The following PCNX1 variants were observed in gnomAD, a reference collection of about 807,000 sequenced individuals.
PCNX1 encodes the protein pecanex 1.
PCNX1 carries 78 observed loss-of-function variants against 242.2 expected under a neutral mutation model. That is an observed-to-expected ratio of 0.32 (90% CI 0.27 to 0.39). The LOEUF is 0.39. PCNX1 is among the 10% of genes least tolerant of loss of function. The probability of loss-of-function intolerance (pLI) is 1.00; values close to 1 mark genes in which losing one functional copy is unlikely to be tolerated. For synonymous variants in PCNX1, 1,024 were observed against 1,032.9 expected (o/e 0.99, Z 0.17); for missense variants, 2,581 against 2,856.5 (o/e 0.90, Z 2.20).
intron 2 of PCNX1, among the ~76,000 whole-genome samples, chr14:70,949,235 G>A (rs2526853): frequency 0.69 from 101,445 of 147,180 alleles, 34,975 homozygotes; most frequent in South Asian, 0.77. Context: ...ATATGTATGT[G>A]TATATACACA....
At position 70,995,872 on chromosome 14, in the gene PCNX1, C is replaced by T; in HGVS notation, c.2576C>T (p.Ala859Val). 1 of 1,614,036 alleles carries T rather than the reference C, an allele frequency of 6.2e-7. No homozygotes were observed. The highest frequency in any genetic ancestry group is 8.5e-7 in the Non-Finnish European group (1 of 1,179,888). Reference protein sequence around the residue: ...LVRNGSVHLEASHDNASAVGG... With the variant: ...LVRNGSVHLEVSHDNASAVGG... ...AGAAATGGGAGTGTCCACTTAGAAG[C>T]ATCACATGACAATGCATCTGCTGTA... Residue 859 changes from alanine to valine, a missense_variant, in exon 8 of 36, where the codon GCA (alanine) becomes GTA (valine). Coordinates refer to ENST00000304743, the MANE Select transcript of PCNX1 (RefSeq NM_014982.3).
chr14:71,031,538 C>A, intron 16 of PCNX1: 2 of 430,450 alleles, frequency 4.6e-6, no homozygotes, highest in Admixed American at 3.4e-5. Context: ...GGACAGCACA[C>A]AAGAATGCCC....
intron 22 of PCNX1, 84 bp from the exon 23 acceptor site, chr14:71,050,568 C>T (rs1235085397): frequency 3.9e-6 from 5 of 1,278,260 alleles, no homozygotes; most frequent in Non-Finnish European, 5.3e-6. Context: ...TCTCCTAATA[C>T]ATTTTACAGG....
Position 71,103,566 on chromosome 14 carries a change from C to G in PCNX1, c.5992C>G (p.Leu1998Val), listed in dbSNP as rs994409840. The G allele has an allele frequency of 1.7e-5, 28 of 1,614,012 alleles. No individual in the cohort carries two copies. Among genetic ancestry groups the G allele is most frequent in the Non-Finnish European group, 2.4e-5 (28 of 1,180,014 alleles). ...PIGYPIFVSP[L>V]TTSYSDSHEQ... ...TGGCTACCCAATCTTTGTCTCACCCCTGACAACTTCTTACTCTGACAGCCA... is the reference window on the plus strand; with the variant it reads ...TGGCTACCCAATCTTTGTCTCACCCGTGACAACTTCTTACTCTGACAGCCA... Residue 1998 changes from leucine (L) to valine (V), a missense_variant, in exon 32 of 36, where the codon CTG becomes GTG. Coordinates refer to ENST00000304743, the MANE Select transcript of PCNX1 (RefSeq NM_014982.3).
chr14:70,961,361 G>A (rs930413944), intron 2 of PCNX1, among the ~76,000 whole-genome samples: 7 of 152,196 alleles, frequency 4.6e-5, no homozygotes, highest in African/African-American at 1.4e-4. Flanking sequence ...AAATAACGCC[G>A]CATATCTATA....
chr14:70,971,954 G>C (rs1012426218), intron 5 of PCNX1, among the ~76,000 whole-genome samples: 10 of 152,108 alleles, frequency 6.6e-5, no homozygotes, highest in African/African-American at 2.4e-4. Context: ...ACTGCTAAAG[G>C]GTTGTATTTC....
chr14:70,960,769 T>C (rs1344531767), intron 2 of PCNX1, among the ~76,000 whole-genome samples: 1 of 152,104 alleles, frequency 6.6e-6, no homozygotes. Context: ...GAAAACCCCA[T>C]TGTCTCAGCC....
chr14:71,082,404 G>C (rs2061876706), intron 28 of PCNX1, among the ~76,000 whole-genome samples: 1 of 152,144 alleles, frequency 6.6e-6, no homozygotes. Context: ...TTCAAGTCCT[G>C]AATATCCTTG....
At position 71,114,475 on chromosome 14, in the gene PCNX1, G is replaced by T. The variant is rs1349041255; in HGVS notation, c.*4540G>T. 2 of 152,366 alleles carry T rather than the reference G, an allele frequency of 1.3e-5. No individual in the cohort carries two copies. Among genetic ancestry groups the T allele is most frequent in the Non-Finnish European group, 2.9e-5 (2 of 68,012 alleles). The allele number at this position is 152,366 out of a possible 1,614,324, so 9.4% of individuals were successfully genotyped here. ...TCACCTCACCAGAGTCATCTGTCAA[G>T]AATTATGTATAACAATTTATCTTTA... On this transcript the variant is annotated 3_prime_UTR_variant, in exon 36 of 36. Coordinates refer to ENST00000304743, the MANE Select transcript of PCNX1 (RefSeq NM_014982.3).
chr14:71,015,942 C>G (rs2059951999), intron 11 of PCNX1, among the ~76,000 whole-genome samples: 1 of 152,120 alleles, frequency 6.6e-6, no homozygotes, highest in Non-Finnish European at 1.5e-5. Context: ...CCTGTGATCT[C>G]AGCACTTTGG....
At chr14:70,969,231 A>T in intron 5 of PCNX1, 121 bp downstream of exon 5, 3 of 678,642 alleles carry the variant, frequency 4.4e-6, no homozygotes, top group Non-Finnish European at 8.0e-6. Flanking sequence ...TTAAGGAAAC[A>T]TTAACATAAA....
chr14:70,923,861 T>C (rs1009747255), intron 1 of PCNX1, among the ~76,000 whole-genome samples: 8 of 152,186 alleles, frequency 5.3e-5, no homozygotes, highest in Non-Finnish European at 4.4e-5. Flanking sequence ...TTCACATGTG[T>C]CCAGGTACAT....
At chr14:71,053,899 T>C (rs1319518603) in intron 24 of PCNX1, among the ~76,000 whole-genome samples, 1 of 152,156 alleles carries the variant, frequency 6.6e-6, no homozygotes, top group East Asian at 1.9e-4. Context: ...ACAGCTGGAT[T>C]CTTGTATCTA....
intron 20 of PCNX1, 74 bp downstream of exon 20, chr14:71,045,357 G>A (rs563106706): frequency 3.4e-5 from 35 of 1,041,468 alleles, no homozygotes; most frequent in Non-Finnish European, 4.7e-5. Flanking sequence ...AGATGACTGA[G>A]TTAAGTGAAT....
intron 3 of PCNX1, among the ~76,000 whole-genome samples, chr14:70,963,291 A>T (rs2058277454): frequency 6.6e-6 from 1 of 152,114 alleles, no homozygotes. Flanking sequence ...ATGAGTACTT[A>T]TTTATATGGC....
chr14:71,033,352 A>G, intron 16 of PCNX1, 77 bp from the exon 17 acceptor site: 1 of 712,062 alleles, frequency 1.4e-6, no homozygotes, highest in Non-Finnish European at 2.4e-6. Context: ...TCTTTTTCCA[A>G]AATACGTACA....
rs1278678551 is a variant in PCNX1, at chr14:70,949,299, A to ACACGTGTGTG, written c.362+2179_362+2180insGTGTGTGCAC. Among the ~76,000 whole-genome samples the ACACGTGTGTG allele has an allele frequency of 2.5e-3, 369 of 145,088 alleles. 1 individual carries two copies. The highest frequency in any genetic ancestry group is 9.6e-3 in the African/African-American group (357 of 37,324). ...CACGTGTATACACACACGTGTGTAC[A>ACACGTGTGTG]CACATATGTGTGTAGATACACACGT... On this transcript the variant is annotated intron_variant, in intron 2 of 35. Coordinates refer to ENST00000304743, the MANE Select transcript of PCNX1 (RefSeq NM_014982.3).
intron 30 of PCNX1, chr14:71,093,040 T>C (rs1178260963): frequency 6.6e-6 from 1 of 152,148 alleles, no homozygotes; most frequent in Admixed American, 6.6e-5. Context: ...CATCTCTAAT[T>C]CAGCCTCCAG....
rs1412536162 is a variant in PCNX1, at chr14:71,109,457, G to A, written c.6750G>A (p.Val2250=). ...TGTTTTTATTTACCATGTAGATTGT[G>A]GATCCCAGTCAAATTCTGGAAGGGA... ...KAEVIYRVQI[V]DPSQILEGIN... Residue 2250 remains valine (V), a synonymous_variant, in exon 35 of 36, where the codon GTG becomes GTA. Coordinates refer to ENST00000304743, the MANE Select transcript of PCNX1 (RefSeq NM_014982.3). The A allele has an allele frequency of 1.9e-6, 3 of 1,610,922 alleles. No individual in the cohort carries two copies. The highest frequency in any genetic ancestry group is 2.2e-5 in the South Asian group (2 of 90,812).
Sources: gnomAD v4.1 joint callset for allele counts (sites outside exome capture counted in the v4.1 genomes callset) on GRCh38, gnomAD v4.1.1 for gene constraint, MANE v1.5 for transcripts, NCBI Gene and HGNC (gene_info 2026-07-23, HGNC 2026-07-21) for gene names.